Variants in SBNO1 observed in about 807,000 individuals in gnomAD.
SBNO1 encodes protein strawberry notch homolog 1.
In SBNO1, 23 loss-of-function variants were observed where a neutral mutation model predicts 173.6. The observed-to-expected ratio is 0.13, with a 90% CI of 0.10 to 0.19. The LOEUF (loss-of-function observed/expected upper bound fraction) is 0.19. Among genes scored for constraint, SBNO1 ranks in the 10% least tolerant of loss-of-function variants. The probability of loss-of-function intolerance (pLI) is 1.00; values close to 1 mark genes in which losing one functional copy is unlikely to be tolerated. For synonymous variants in SBNO1, 632 were observed against 571.5 expected (o/e 1.11, Z -1.51); for missense variants, 1,238 against 1,671.2 (o/e 0.74, Z 4.52).
At chr12:123,299,073 A>T (rs889857150) in intron 30 of SBNO1, among the ~76,000 whole-genome samples, 3 of 152,218 alleles carry the variant, frequency 2.0e-5, no homozygotes, top group Non-Finnish European at 4.4e-5. Context: ...AAATACAAAA[A>T]TTAGCCAGGT....
intron 29 of SBNO1, 26 bp from the exon 30 acceptor site, chr12:123,302,926 GA>G (rs778351941): frequency 6.5e-7 from 1 of 1,548,256 alleles, no homozygotes; most frequent in Admixed American, 1.7e-5. Flanking sequence ...GAATTTCATT[GA>G]AAACAGTATT....
intron 28 of SBNO1, among the ~76,000 whole-genome samples, chr12:123,305,632 C>T (rs1018443279): frequency 1.3e-5 from 2 of 152,078 alleles, no homozygotes; most frequent in African/African-American, 4.8e-5. Context: ...CACCACCATG[C>T]CTGGCTAATT....
chr12:123,342,434 G>C (rs1262887314), intron 4 of SBNO1, among the ~76,000 whole-genome samples: 1 of 151,982 alleles, frequency 6.6e-6, no homozygotes, highest in East Asian at 1.9e-4. Context: ...CTGGGCGACA[G>C]ATCAAGACTC....
At position 123,296,139 on chromosome 12, in the gene SBNO1, T is replaced by A. The variant is rs1051812536; in HGVS notation, c.4040-89A>T. On this transcript the variant is annotated intron_variant, in intron 31 of 31. Transcript: ENST00000602398. ...AGCAGATTCCAAATGAGGCATAATA[T>A]TAAGCGTAATGGACAAGAAGTTCAC... 7 of 789,288 alleles carry A rather than the reference T, an allele frequency of 8.9e-6. No homozygotes were observed. The South Asian group carries it at 1.2e-4, about 14-fold the overall frequency. The allele number at this position is 789,288 out of a possible 1,614,324, so 48.9% of individuals were successfully genotyped here.
At chr12:123,354,412 T>C (rs528808308) in intron 1 of SBNO1, among the ~76,000 whole-genome samples, 26 of 152,280 alleles carry the variant, frequency 1.7e-4, no homozygotes, top group Non-Finnish European at 2.5e-4. Flanking sequence ...ATATATCTTA[T>C]ACATAAATGG....
intron 5 of SBNO1, among the ~76,000 whole-genome samples, chr12:123,339,845 C>T (rs1393854354): frequency 6.6e-6 from 1 of 152,108 alleles, no homozygotes; most frequent in Non-Finnish European, 1.5e-5. Flanking sequence ...CCCAGACCTA[C>T]TATTCCCACT....
chr12:123,357,490 T>G (rs1234442904), intron 1 of SBNO1, among the ~76,000 whole-genome samples: 1 of 151,934 alleles, frequency 6.6e-6, no homozygotes, highest in Non-Finnish European at 1.5e-5. Context: ...CGCCTGTAAT[T>G]CTAGCACTTT....
intron 4 of SBNO1, among the ~76,000 whole-genome samples, chr12:123,342,308 G>A (rs1872661378): frequency 6.6e-6 from 1 of 151,766 alleles, no homozygotes. Context: ...AAAATTAGCT[G>A]GGCGTGGTGG....
chr12:123,333,246 A>G (rs1406746296), intron 7 of SBNO1, among the ~76,000 whole-genome samples: 2 of 151,902 alleles, frequency 1.3e-5, no homozygotes, highest in Non-Finnish European at 2.9e-5. Flanking sequence ...TATTTTACAG[A>G]TATGGAATAT....
In SBNO1 at chr12:123,358,706, G is replaced by A. The variant is rs1258604919; in HGVS notation, c.-1+5995C>T. ...TGCAGTGAGCCAAGATCGCGCCACT[G>A]CACTCCAGCCAGGGCAACACAGCAA... On this transcript the variant is annotated intron_variant, in intron 1 of 31. Transcript: ENST00000602398. Among the ~76,000 whole-genome samples the A allele has an allele frequency of 6.0e-5, 7 of 117,528 alleles. No individual in the cohort carries two copies. The Admixed American group carries it at 8.6e-4, about 14-fold the overall frequency. 77.1% of individuals were successfully genotyped at this position (117,528 alleles called of 152,430 possible).
At position 123,348,784 on chromosome 12, in the gene SBNO1, A is replaced by T. The variant is rs909723996; in HGVS notation, c.133-651T>A. The stretch of plus-strand genomic sequence containing the variant: ...CGGTCTCAAAAAAAACAAATAAATA[A>T]AACAAATAACTAAATAAATAAAAAC... On this transcript the variant is annotated intron_variant, in intron 2 of 31. Coordinates refer to ENST00000602398, the MANE Select transcript of SBNO1 (RefSeq NM_001167856.3). Among the ~76,000 whole-genome samples, 17 of 151,344 alleles carry T rather than the reference A, an allele frequency of 1.1e-4. No individual in the cohort carries two copies. The South Asian group carries it at 1.3e-3, about 11-fold the overall frequency.
Position 123,314,892 on chromosome 12 carries a change from G to A in SBNO1, c.3120+481C>T, listed in dbSNP as rs142263676. On this transcript the variant is annotated intron_variant, in intron 23 of 31. Transcript: ENST00000602398. The stretch of plus-strand genomic sequence containing the variant: ...ATTATAGGTGTGAGCAACTGATCCC[G>A]GCCTAATTTTTGTATTTTTTTTTTT... 7.8e-3 allele frequency among the ~76,000 whole-genome samples: 1,175 copies of A among 149,880 alleles called. 9 individuals are homozygous for A. The highest frequency in any genetic ancestry group is 0.012 in the South Asian group (59 of 4,726).
intron 16 of SBNO1, among the ~76,000 whole-genome samples, chr12:123,322,448 C>A (rs1477285649): frequency 1.3e-5 from 2 of 152,308 alleles, no homozygotes; most frequent in African/African-American, 4.8e-5. Flanking sequence ...GGCGCCCCTG[C>A]CGCCAGTCCT....
chr12:123,303,723 G>A (rs1227883871), intron 29 of SBNO1, among the ~76,000 whole-genome samples: 10 of 151,674 alleles, frequency 6.6e-5, no homozygotes, highest in African/African-American at 1.9e-4. Context: ...GGCTGGGTGC[G>A]GTGGCTGACA....
rs1232954770 is a variant in SBNO1 at position 123,289,676 on chromosome 12, G to A, written c.*6232C>T. 6.6e-6 allele frequency: 1 copy of A among 152,258 alleles called. No homozygotes were observed. The highest frequency in any genetic ancestry group is 1.9e-4 in the East Asian group (1 of 5,204). The allele number at this position is 152,258 out of a possible 1,614,324, so 9.4% of individuals were successfully genotyped here. On this transcript the variant is annotated 3_prime_UTR_variant, in exon 32 of 32. Coordinates refer to ENST00000602398, the MANE Select transcript of SBNO1 (RefSeq NM_001167856.3). The stretch of plus-strand genomic sequence containing the variant: ...GTACCTCTTCCCACCTCTCATGGAT[G>A]ATGGAAGATACAAGTGGTTATTGAA...
rs1486166330 is a variant in SBNO1, at chr12:123,297,108, C to T, written c.4039+870G>A. 6.0e-5 allele frequency among the ~76,000 whole-genome samples: 9 copies of T among 150,492 alleles called. No individual in the cohort carries two copies. The East Asian group carries it at 1.4e-3, about 23-fold the overall frequency. ...GGCTCGGTGGCTCACGCCTATAATC[C>T]CAGCACTTTGGGAAGCTGAGGTGGG... On this transcript the variant is annotated intron_variant, in intron 31 of 31. Transcript: ENST00000602398.
At chr12:123,343,789 G>T (rs905167450) in intron 4 of SBNO1, among the ~76,000 whole-genome samples, 4 of 151,996 alleles carry the variant, frequency 2.6e-5, no homozygotes, top group African/African-American at 2.4e-5. Flanking sequence ...ACCCACCTTG[G>T]GCTCCAAACG....
At chr12:123,322,932 A>G (rs950271974) in intron 16 of SBNO1, among the ~76,000 whole-genome samples, 9 of 152,094 alleles carry the variant, frequency 5.9e-5, no homozygotes, top group Non-Finnish European at 1.2e-4. Context: ...AAAACTACTG[A>G]AACACCCAGC....
At chr12:123,342,979 C>T (rs754812210) in intron 4 of SBNO1, among the ~76,000 whole-genome samples, 30 of 152,184 alleles carry the variant, frequency 2.0e-4, no homozygotes, top group Non-Finnish European at 3.4e-4. Flanking sequence ...CAGGTGCTCA[C>T]GCCTGTAATC....
Sources: allele counts gnomAD v4.1 joint callset (sites outside exome capture counted in the v4.1 genomes callset), GRCh38; gene constraint gnomAD v4.1.1; transcripts MANE v1.5; gene names NCBI Gene and HGNC (gene_info 2026-07-23, HGNC 2026-07-21).